The following TF variants were observed in gnomAD, a reference collection of about 807,000 sequenced individuals.
The protein encoded by TF is transferrin.
In TF, 55 loss-of-function variants were observed where a neutral mutation model predicts 82.4. The ratio of observed to expected loss-of-function variants is 0.67; its 90% CI spans 0.54 to 0.84. The LOEUF (loss-of-function observed/expected upper bound fraction) is 0.84. Ranked by LOEUF, TF falls within the 40% of genes least tolerant of loss-of-function variation. The pLI is 0.00. For synonymous variants in TF, 332 were observed against 332.6 expected, an observed-to-expected ratio of 1.00 and a Z score of 0.02; for missense variants, 737 against 868.4, an observed-to-expected ratio of 0.85 and a Z score of 1.90.
At chr3:133,681,268 C>CT in the TF span, among the ~76,000 whole-genome samples, 1 of 152,186 alleles carries the variant, frequency 6.6e-6, no homozygotes, top group Non-Finnish European at 1.5e-5. Flanking sequence ...CAGCTCCCAG[C>CT]GTGAGCTACG....
the TF span, among the ~76,000 whole-genome samples, chr3:133,722,582 T>G: frequency 1.3e-5 from 2 of 152,184 alleles, no homozygotes; most frequent in East Asian, 3.9e-4. Flanking sequence ...TATTTATCTG[T>G]GGTTACCATG....
chr3:133,778,253 A>C (rs985806695), intron 16 of TF: 8 of 312,392 alleles, frequency 2.6e-5, no homozygotes, highest in Non-Finnish European at 3.8e-5. Context: ...TCAGTTCCTC[A>C]CCTGCTTAAA....
At chr3:133,778,132 T>A (rs990552194) in intron 16 of TF, 5 of 172,956 alleles carry the variant, frequency 2.9e-5, no homozygotes, top group Admixed American at 2.8e-4. Flanking sequence ...CAAGTTGATA[T>A]TTACCTAACC....
At chr3:133,662,370 G>C in the TF span, 1 of 152,244 alleles carries the variant, frequency 6.6e-6, no homozygotes, top group Non-Finnish European at 1.5e-5. Context: ...CACACGGCTA[G>C]TAGGTGGTAG....
Position 133,795,247 on chromosome 3 carries a change from A to C in TF, c.*16627A>C, listed in dbSNP as rs1046578404. The C allele has an allele frequency of 5.3e-5, 8 of 152,210 alleles. No individual in the cohort carries two copies. Among genetic ancestry groups the C allele is most frequent in the Non-Finnish European group, 1.2e-4 (8 of 68,030 alleles). The allele number at this position is 152,210 out of a possible 1,614,324, so 9.4% of individuals were successfully genotyped here. A position where few individuals can be genotyped will look rare whatever the true frequency, so the allele number is the denominator to read the frequency against. On this transcript the variant is annotated 3_prime_UTR_variant, in exon 17 of 17. Coordinates refer to ENST00000402696, the MANE Select transcript of TF (RefSeq NM_001063.4). Reference sequence around the variant, plus strand: ...TATTTGAGTTTAGGAGGTTTGGTTTATGGTGACCCTGGATAAGGAGCATAC... The same window carrying C: ...TATTTGAGTTTAGGAGGTTTGGTTTCTGGTGACCCTGGATAAGGAGCATAC...
the TF span, among the ~76,000 whole-genome samples, chr3:133,690,906 T>G: frequency 6.6e-6 from 1 of 152,356 alleles, no homozygotes; most frequent in African/African-American, 2.4e-5. Context: ...CCCTTTTACC[T>G]GTATACTAAA....
chr3:133,672,357 A>G, the TF span, among the ~76,000 whole-genome samples: 2 of 152,118 alleles, frequency 1.3e-5, no homozygotes, highest in African/African-American at 2.4e-5. Context: ...TATTCCAATT[A>G]ATTTTATGAG....
Position 133,753,997 on chromosome 3 carries a change from G to C in TF, c.325+294G>C, listed in dbSNP as rs539065184. ...GACCTGAAGGCTACTGCGGTCTACT[G>C]ATATGTCTAGGGTCCCTGGAGGCCT... On this transcript the variant is annotated intron_variant, in intron 3 of 16. Transcript: ENST00000402696. 1.2e-4 allele frequency: 65 copies of C among 527,526 alleles called. 2 individuals carry two copies. In the Middle Eastern group the frequency reaches 2.1e-3, roughly 17 times the overall value. The allele number at this position is 527,526 out of a possible 1,614,324, so 32.7% of individuals were successfully genotyped here.
chr3:133,770,156 T>C (rs887957023), intron 13 of TF, among the ~76,000 whole-genome samples: 1 of 152,192 alleles, frequency 6.6e-6, no homozygotes, highest in Non-Finnish European at 1.5e-5. Context: ...ACATTCGCCT[T>C]GTATGAGAAC....
chr3:133,673,873 T>A, the TF span, among the ~76,000 whole-genome samples: 1 of 152,214 alleles, frequency 6.6e-6, no homozygotes, highest in East Asian at 1.9e-4. Context: ...AAATTCAGAT[T>A]TTCCCCAGGC....
intron 16 of TF, chr3:133,778,094 G>T (rs754732578): frequency 5.7e-4 from 97 of 168,904 alleles, no homozygotes; most frequent in Non-Finnish European, 1.1e-3. Flanking sequence ...GCAGCAATGT[G>T]CTTGTCTAGG....
chr3:133,674,250 G>A, the TF span, among the ~76,000 whole-genome samples: 1 of 152,306 alleles, frequency 6.6e-6, no homozygotes, highest in East Asian at 1.9e-4. Flanking sequence ...AGAAACCTGC[G>A]TATAGCAACT....
chr3:133,667,005 C>T, the TF span, among the ~76,000 whole-genome samples: 2 of 151,036 alleles, frequency 1.3e-5, no homozygotes, highest in Admixed American at 1.3e-4. Context: ...CACTGCACTC[C>T]AACCTGGGCA....
chr3:133,715,385 T>A, the TF span, among the ~76,000 whole-genome samples: 2 of 152,214 alleles, frequency 1.3e-5, no homozygotes, highest in African/African-American at 2.4e-5. Flanking sequence ...CTCCTCCTAC[T>A]GGGGTGAACT....
chr3:133,682,201 C>T, the TF span, among the ~76,000 whole-genome samples: 3 of 152,036 alleles, frequency 2.0e-5, no homozygotes, highest in African/African-American at 4.8e-5. Context: ...CCCATCTGTA[C>T]GTCACCATCA....
chr3:133,739,514 C>T, the TF span, among the ~76,000 whole-genome samples: 1 of 152,108 alleles, frequency 6.6e-6, no homozygotes, highest in Non-Finnish European at 1.5e-5. Flanking sequence ...AAGCTATCAT[C>T]AGAGTGAACA....
the TF span, chr3:133,699,383 G>C: frequency 5.8e-6 from 5 of 869,194 alleles, no homozygotes; most frequent in South Asian, 6.4e-5. Flanking sequence ...AGGGGCATGG[G>C]TCATCCTAAC....
the TF span, among the ~76,000 whole-genome samples, chr3:133,669,433 G>A: frequency 6.6e-6 from 1 of 152,196 alleles, no homozygotes; most frequent in Non-Finnish European, 1.5e-5. Flanking sequence ...CCCTTTCATA[G>A]TGTTTTGCTG....
intron 14 of TF, chr3:133,771,028 C>T: frequency 5.4e-6 from 1 of 183,792 alleles, no homozygotes. Context: ...ATTGAGAAGG[C>T]CTAGAGGCAA....
Sources: allele counts gnomAD v4.1 joint callset (sites outside exome capture counted in the v4.1 genomes callset), GRCh38; gene constraint gnomAD v4.1.1; transcripts MANE v1.5; gene names NCBI Gene and HGNC (gene_info 2026-07-23, HGNC 2026-07-21).